CACNA1E: variants seen among roughly 807,000 people sequenced by gnomAD.
The protein encoded by CACNA1E is calcium voltage-gated channel subunit alpha1 E, also known as voltage-dependent R-type calcium channel subunit alpha-1E.
Under a neutral mutation model 259.2 loss-of-function variants are expected in CACNA1E, and 40 were observed. That is an observed-to-expected ratio of 0.15 (90% confidence interval 0.12 to 0.20). CACNA1E has a LOEUF of 0.20. CACNA1E is among the 10% of genes least tolerant of loss of function. The pLI, the probability that CACNA1E is intolerant of heterozygous loss-of-function variation, is 1.00. For synonymous variants in CACNA1E, 1,104 were observed against 1,138.5 expected (o/e 0.97, Z 0.61); for missense variants, 1,874 against 3,040.1 (o/e 0.62, Z 9.02).
chr1:181,716,061 A>G lies in CACNA1E; in HGVS notation c.1247A>G (p.Lys416Arg). 1.3e-6 allele frequency: 2 copies of G among 1,571,902 alleles called. No homozygotes were observed. The highest frequency in any genetic ancestry group is 1.7e-6 in the Non-Finnish European group (2 of 1,158,038). ...ALEVLRRATI[K>R]RSRTEAMTRD... ...GCAGTGCTTCGAAGGGCAACCATCA[A>G]GAGGAGCCGGACAGAGGCCATGACT... The change falls in exon 10 of 48, where the codon AAG becomes AGG. Residue 416 changes from lysine (K) to arginine (R), a missense_variant. Physicochemically the swap from Lys to Arg is conservative, Grantham distance 26. Transcript: ENST00000367573.
intron 6 of CACNA1E, among the ~76,000 whole-genome samples, chr1:181,600,675 T>C (rs1279516480): frequency 6.6e-6 from 1 of 152,034 alleles, no homozygotes; most frequent in Admixed American, 6.5e-5. Flanking sequence ...AGGGGCAGGA[T>C]GGTTGAGCAA....
At chr1:181,700,552 C>T (rs763311474) in intron 7 of CACNA1E, among the ~76,000 whole-genome samples, 2 of 152,150 alleles carry the variant, frequency 1.3e-5, no homozygotes, top group South Asian at 2.1e-4. Context: ...GGGTCACCAA[C>T]GAGAAATGAG....
intron 2 of CACNA1E, among the ~76,000 whole-genome samples, chr1:181,441,460 C>A (rs865779240): frequency 3.3e-5 from 5 of 152,218 alleles, no homozygotes; most frequent in Non-Finnish European, 7.3e-5. Flanking sequence ...CAATTCACTG[C>A]TTTTAACATT....
chr1:181,383,041 A>G (rs1483948064), intron 1 of CACNA1E, among the ~76,000 whole-genome samples: 1 of 152,142 alleles, frequency 6.6e-6, no homozygotes, highest in Non-Finnish European at 1.5e-5. Flanking sequence ...CCCACATTCC[A>G]GCCTGTTCAA....
At chr1:181,766,711 C>A in intron 35 of CACNA1E, 100 bp downstream of exon 35, 2 of 881,798 alleles carry the variant, frequency 2.3e-6, no homozygotes, top group Middle Eastern at 2.4e-4. Context: ...GCTTTGAACC[C>A]CTTCTTGCCT....
At chr1:181,782,164 A>G (rs905720393) in intron 39 of CACNA1E, among the ~76,000 whole-genome samples, 1 of 152,212 alleles carries the variant, frequency 6.6e-6, no homozygotes, top group South Asian at 2.1e-4. Flanking sequence ...CAGCTACCCA[A>G]TTCTCTTGGA....
chr1:181,773,579 G>C (rs1005911896), intron 37 of CACNA1E, among the ~76,000 whole-genome samples: 9 of 152,200 alleles, frequency 5.9e-5, no homozygotes, highest in Non-Finnish European at 2.9e-5. Context: ...ATTGATGGGA[G>C]TTTTCCATTT....
At chr1:181,498,443 G>T (rs900145724) in intron 1 of CACNA1E, among the ~76,000 whole-genome samples, 1 of 152,094 alleles carries the variant, frequency 6.6e-6, no homozygotes, top group African/African-American at 2.4e-5. Flanking sequence ...TATTTCCATG[G>T]ACTCTAGACC....
chr1:181,649,646 A>G (rs556087773), intron 6 of CACNA1E, among the ~76,000 whole-genome samples: 5 of 152,248 alleles, frequency 3.3e-5, no homozygotes, highest in Non-Finnish European at 7.3e-5. Flanking sequence ...TATGCAATAC[A>G]TATACACCAT....
intron 37 of CACNA1E, 113 bp downstream of exon 37, chr1:181,772,344 C>A (rs1659591194): frequency 9.8e-7 from 1 of 1,018,730 alleles, no homozygotes; most frequent in Admixed American, 2.0e-5. Context: ...CCTCCCTCCC[C>A]TCCTCTCTCC....
chr1:181,704,041 G>A (rs867361990), intron 7 of CACNA1E, among the ~76,000 whole-genome samples: 4 of 151,992 alleles, frequency 2.6e-5, no homozygotes, highest in Admixed American at 6.5e-5. Flanking sequence ...ATATGATGTC[G>A]TCGAGCATTT....
intron 1 of CACNA1E, among the ~76,000 whole-genome samples, chr1:181,506,822 T>A (rs1245630676): frequency 1.3e-5 from 2 of 151,596 alleles, no homozygotes; most frequent in Admixed American, 1.3e-4. Flanking sequence ...GGAGAGTGGC[T>A]GGGGCCTAGG....
intron 37 of CACNA1E, among the ~76,000 whole-genome samples, chr1:181,773,740 G>A (rs1659726876): frequency 2.0e-5 from 3 of 152,218 alleles, no homozygotes; most frequent in Admixed American, 2.0e-4. Flanking sequence ...GGAGCAGATA[G>A]AAGCGCATGT....
chr1:181,584,611 C>T (rs1651871419), intron 6 of CACNA1E, among the ~76,000 whole-genome samples: 1 of 152,128 alleles, frequency 6.6e-6, no homozygotes, highest in African/African-American at 2.4e-5. Flanking sequence ...CTTTATGTTC[C>T]TCTATGAGCA....
intron 47 of CACNA1E, 99 bp downstream of exon 47, chr1:181,796,957 TACCC>T: frequency 1.2e-6 from 1 of 820,910 alleles, no homozygotes; most frequent in Non-Finnish European, 1.9e-6. Context: ...CGCATTCAAG[TACCC>T]ACAAAGACTG....
chr1:181,805,067 T>C lies in CACNA1E; in HGVS notation c.*6233T>C, dbSNP rs1662538752. On this transcript the variant is annotated 3_prime_UTR_variant, in exon 48 of 48. Coordinates refer to ENST00000367573, the MANE Select transcript of CACNA1E (RefSeq NM_001205293.3). Reference sequence around the variant, plus strand: ...CCAGACATATTCTCCAACCCAGCATTGGAAATCTGAACGAATCTTTTCTCT... The same window carrying C: ...CCAGACATATTCTCCAACCCAGCATCGGAAATCTGAACGAATCTTTTCTCT... The C allele has an allele frequency of 6.6e-6, 1 of 152,084 alleles. No homozygotes were observed. The highest frequency in any genetic ancestry group is 6.6e-5 in the Admixed American group (1 of 15,266). The allele number at this position is 152,084 out of a possible 1,614,324, so 9.4% of individuals were successfully genotyped here.
intron 6 of CACNA1E, among the ~76,000 whole-genome samples, chr1:181,612,391 G>A (rs1010733980): frequency 1.5e-4 from 23 of 152,202 alleles, no homozygotes; most frequent in Admixed American, 1.4e-3. Flanking sequence ...CTGAGCTCAT[G>A]TGGGCCCTGG....
At chr1:181,764,249 C>T (rs940057217) in intron 34 of CACNA1E, among the ~76,000 whole-genome samples, 3 of 152,072 alleles carry the variant, frequency 2.0e-5, no homozygotes, top group African/African-American at 7.2e-5. Context: ...TGGACTCTAG[C>T]AAATATCATA....
intron 1 of CACNA1E, among the ~76,000 whole-genome samples, chr1:181,400,118 C>T (rs182228790): frequency 8.5e-5 from 13 of 152,292 alleles, no homozygotes; most frequent in Admixed American, 3.9e-4. Flanking sequence ...AGGGGTACAT[C>T]GTGAAGCAGA....
Sources: gnomAD v4.1 joint callset for allele counts (sites outside exome capture counted in the v4.1 genomes callset) on GRCh38, gnomAD v4.1.1 for gene constraint, MANE v1.5 for transcripts, NCBI Gene and HGNC (gene_info 2026-07-23, HGNC 2026-07-21) for gene names.